IFT74: variants seen among roughly 807,000 people sequenced by gnomAD.
IFT74 encodes intraflagellar transport protein 74 homolog.
Under a neutral mutation model 96.7 loss-of-function variants are expected in IFT74, and 92 were observed. The ratio of observed to expected loss-of-function variants is 0.95; its 90% CI spans 0.80 to 1.13. The LOEUF (loss-of-function observed/expected upper bound fraction) is 1.13, where lower values mean the gene tolerates loss of function less well. Among genes scored for constraint, IFT74 ranks in the 50% most tolerant of loss-of-function variants. The pLI is 0.00. For synonymous variants in IFT74, 223 were observed against 213.2 expected (o/e 1.05, Z -0.40); for missense variants, 811 against 698.2 (o/e 1.16, Z -1.82).
At chr9:27,036,602 C>T in intron 13 of IFT74, 1 of 1,569,718 alleles carries the variant, frequency 6.4e-7, no homozygotes, top group Non-Finnish European at 8.6e-7. Flanking sequence ...GATCTTCAGT[C>T]TCTCTCTAGC....
At chr9:27,026,835 G>A (rs1219939619) in intron 12 of IFT74, among the ~76,000 whole-genome samples, 2 of 152,058 alleles carry the variant, frequency 1.3e-5, no homozygotes, top group African/African-American at 2.4e-5. Context: ...GTGCCTAGAG[G>A]AACATTCAGA....
chr9:27,021,190 C>T (rs1033504765), intron 12 of IFT74, among the ~76,000 whole-genome samples: 63 of 151,850 alleles, frequency 4.1e-4, no homozygotes, highest in Non-Finnish European at 1.6e-4. Flanking sequence ...TAAATATATA[C>T]GCACACACAC....
intron 2 of IFT74, among the ~76,000 whole-genome samples, chr9:26,963,969 G>T (rs1430415413): frequency 2.8e-4 from 43 of 151,164 alleles, no homozygotes; most frequent in African/African-American, 6.6e-4. Context: ...TTAGTTTAAT[G>T]AGATCCCATT....
chr9:26,999,942 A>T (rs1478808811), intron 8 of IFT74, among the ~76,000 whole-genome samples: 5 of 151,684 alleles, frequency 3.3e-5, no homozygotes, highest in Non-Finnish European at 7.4e-5. Context: ...GGCTAATTTT[A>T]AAAATTTTTG....
rs1456535859 is a variant in IFT74, at chr9:27,063,080, A to T, written c.*344A>T. On this transcript the variant is annotated 3_prime_UTR_variant, in exon 20 of 20. Transcript: ENST00000380062. ...CTTGTATCAACTCTAGGACGGATGC[A>T]TGGAGTATGATTCTGATTTAGCACT... The T allele has an allele frequency of 5.1e-6, 1 of 195,244 alleles. No homozygotes were observed. Among genetic ancestry groups the T allele is most frequent in the Non-Finnish European group, 1.0e-5 (1 of 97,076 alleles). 12.1% of individuals were successfully genotyped at this position (195,244 alleles called of 1,614,324 possible).
intron 8 of IFT74, among the ~76,000 whole-genome samples, chr9:26,997,020 G>A (rs190918404): frequency 3.3e-5 from 5 of 152,140 alleles, no homozygotes; most frequent in Admixed American, 6.5e-5. Context: ...AGACCAGCCT[G>A]ACAAACATGG....
intron 13 of IFT74, among the ~76,000 whole-genome samples, chr9:27,043,850 C>G (rs557922311): frequency 6.6e-6 from 1 of 152,294 alleles, no homozygotes; most frequent in South Asian, 2.1e-4. Flanking sequence ...CTACTCAAGG[C>G]AGCTTTCATC....
intron 16 of IFT74, among the ~76,000 whole-genome samples, chr9:27,055,081 A>G (rs973815015): frequency 1.3e-5 from 2 of 152,208 alleles, no homozygotes; most frequent in African/African-American, 2.4e-5. Context: ...AAATGTGACT[A>G]AAGGCTCACA....
chr9:27,045,444 A>G (rs1819659749), intron 14 of IFT74, among the ~76,000 whole-genome samples: 1 of 152,162 alleles, frequency 6.6e-6, no homozygotes, highest in African/African-American at 2.4e-5. Flanking sequence ...CACCTTTAGT[A>G]TCTTTCACTT....
At chr9:26,952,586 T>C (rs189096564), upstream of IFT74, among the ~76,000 whole-genome samples, 1 of 152,292 alleles carries the variant, frequency 6.6e-6, no homozygotes, top group Non-Finnish European at 1.5e-5. Flanking sequence ...CGAAAGTTTA[T>C]TTTTAAAAAG....
chr9:26,986,649 G>A lies in IFT74; in HGVS notation c.466-2020G>A, dbSNP rs113177894. On this transcript the variant is annotated intron_variant, in intron 6 of 19. Transcript: ENST00000380062. ...ATTTTTTAATTTTTTTAGAGATAGG[G>A]TCTTGCTCTGTTGCTCTGGCTGAAG... 5.7e-3 allele frequency among the ~76,000 whole-genome samples: 868 copies of A among 151,924 alleles called. 10 individuals are homozygous for A. The highest frequency in any genetic ancestry group is 0.02 in the African/African-American group (814 of 41,426).
intron 1 of IFT74, among the ~76,000 whole-genome samples, chr9:26,959,377 G>C (rs983672444): frequency 6.6e-6 from 1 of 152,146 alleles, no homozygotes; most frequent in Non-Finnish European, 1.5e-5. Flanking sequence ...CCAAAGTGCT[G>C]GGATTGCAGG....
intron 12 of IFT74, among the ~76,000 whole-genome samples, chr9:27,027,038 C>A (rs1333373786): frequency 1.3e-5 from 2 of 152,000 alleles, no homozygotes; most frequent in Admixed American, 6.6e-5. Flanking sequence ...AAAGCTGGTT[C>A]TTTGAAAAGA....
At chr9:26,987,238 G>T (rs1273617719) in intron 6 of IFT74, among the ~76,000 whole-genome samples, 1 of 151,824 alleles carries the variant, frequency 6.6e-6, no homozygotes, top group Non-Finnish European at 1.5e-5. Flanking sequence ...TGAGTAGCTG[G>T]GATTACAGGT....
At chr9:26,999,450 G>T (rs905741454) in intron 8 of IFT74, among the ~76,000 whole-genome samples, 19 of 152,060 alleles carry the variant, frequency 1.2e-4, no homozygotes, top group Non-Finnish European at 1.9e-4. Context: ...TATAAATGAA[G>T]GCTGCTTTTG....
chr9:27,055,878 T>G, intron 17 of IFT74, 106 bp downstream of exon 17: 1 of 668,956 alleles, frequency 1.5e-6, no homozygotes, highest in Non-Finnish European at 2.3e-6. Flanking sequence ...AGTTGATTAT[T>G]TTATATATAT....
intron 18 of IFT74, among the ~76,000 whole-genome samples, chr9:27,057,718 A>C (rs1338401860): frequency 2.6e-5 from 4 of 151,902 alleles, no homozygotes; most frequent in Admixed American, 2.6e-4. Flanking sequence ...ATTAGCCAGG[A>C]GTGGTGGCGG....
chr9:27,018,074 A>C lies in IFT74; in HGVS notation c.934-573A>C, dbSNP rs1422958221. Among the ~76,000 whole-genome samples the C allele has an allele frequency of 3.9e-5, 6 of 152,358 alleles. No homozygotes were observed. The East Asian group carries it at 9.6e-4, about 24-fold the overall frequency. On this transcript the variant is annotated intron_variant, in intron 11 of 19. Coordinates refer to ENST00000380062, the MANE Select transcript of IFT74 (RefSeq NM_025103.4). ...AGTTCCTTGGAGAGAAATCATTGAA[A>C]GATGGGGAGGAGTGATCTTGAGGTA...
chr9:27,033,428 G>A (rs1440617771), intron 13 of IFT74, among the ~76,000 whole-genome samples: 1 of 152,074 alleles, frequency 6.6e-6, no homozygotes, highest in Non-Finnish European at 1.5e-5. Flanking sequence ...GCATGGTGAT[G>A]TGTGTTTGAC....
Sources: allele counts gnomAD v4.1 joint callset (sites outside exome capture counted in the v4.1 genomes callset), GRCh38; gene constraint gnomAD v4.1.1; transcripts MANE v1.5; gene names NCBI Gene and HGNC (gene_info 2026-07-23, HGNC 2026-07-21).